The following UBE2Q2 variants were observed in gnomAD, a reference collection of about 807,000 sequenced individuals.
UBE2Q2 encodes the protein ubiquitin-conjugating enzyme E2 Q2.
Under a neutral mutation model 59.9 loss-of-function variants are expected in UBE2Q2, and 54 were observed. That is an observed-to-expected ratio of 0.90 (90% CI 0.72 to 1.13). The LOEUF is 1.13. Among genes scored for constraint, UBE2Q2 ranks in the 50% most tolerant of loss-of-function variants. The probability of loss-of-function intolerance (pLI) is 0.00; values close to 1 mark genes in which losing one functional copy is unlikely to be tolerated. For synonymous variants in UBE2Q2, 165 were observed against 155.2 expected (o/e 1.06, Z -0.47); for missense variants, 433 against 441.9 (o/e 0.98, Z 0.18).
chr15:75,846,758 A>T (rs534996364), intron 1 of UBE2Q2, among the ~76,000 whole-genome samples: 11 of 152,230 alleles, frequency 7.2e-5, no homozygotes, highest in African/African-American at 2.6e-4. Context: ...ACATGCTAGG[A>T]CTTGTTTTCT....
intron 9 of UBE2Q2, among the ~76,000 whole-genome samples, chr15:75,886,596 C>T (rs1158284195): frequency 6.6e-6 from 1 of 152,014 alleles, no homozygotes. Context: ...TATATAAAAA[C>T]ATTTTTATCA....
intron 4 of UBE2Q2, among the ~76,000 whole-genome samples, chr15:75,873,126 A>G (rs1004928884): frequency 4.6e-5 from 7 of 152,214 alleles, no homozygotes; most frequent in African/African-American, 1.4e-4. Flanking sequence ...ACCTGCTGCT[A>G]AACTGTTTTA....
chr15:75,889,884 A>G (rs1470017822), intron 9 of UBE2Q2, among the ~76,000 whole-genome samples: 1 of 152,240 alleles, frequency 6.6e-6, no homozygotes, highest in South Asian at 2.1e-4. Flanking sequence ...TTTTGTTCAG[A>G]GAATAGTCTT....
chr15:75,869,846 T>C (rs1481013838), intron 4 of UBE2Q2, among the ~76,000 whole-genome samples: 1 of 152,172 alleles, frequency 6.6e-6, no homozygotes, highest in African/African-American at 2.4e-5. Flanking sequence ...ATTTTAGATG[T>C]TTTCAAGCTC....
chr15:75,876,862 A>G (rs1898113235), intron 6 of UBE2Q2, among the ~76,000 whole-genome samples: 1 of 152,190 alleles, frequency 6.6e-6, no homozygotes, highest in Non-Finnish European at 1.5e-5. Flanking sequence ...CTTTAATTTG[A>G]AAAGATAGCA....
At chr15:75,878,973 T>A (rs1898239040) in intron 7 of UBE2Q2, 125 bp from the exon 8 acceptor site, 1 of 594,674 alleles carries the variant, frequency 1.7e-6, no homozygotes, top group South Asian at 2.7e-5. Context: ...GCTTTAGACC[T>A]TCTCTTTCTG....
intron 3 of UBE2Q2, among the ~76,000 whole-genome samples, chr15:75,865,887 T>G (rs1055161817): frequency 1.3e-5 from 2 of 152,158 alleles, no homozygotes; most frequent in Admixed American, 6.5e-5. Flanking sequence ...TGTTATTTGT[T>G]CAACAAATAT....
At chr15:75,865,794 A>C (rs113035301) in intron 3 of UBE2Q2, among the ~76,000 whole-genome samples, 4,031 of 147,782 alleles carry the variant, frequency 0.027, 205 homozygotes, top group African/African-American at 0.094. Context: ...TCCCTGAATA[A>C]TATCTGGTTG....
chr15:75,879,566 A>C (rs765459444), intron 8 of UBE2Q2, among the ~76,000 whole-genome samples: 5 of 152,226 alleles, frequency 3.3e-5, no homozygotes, highest in Non-Finnish European at 5.9e-5. Context: ...AAAATAGGTA[A>C]AACTAATGTT....
intron 12 of UBE2Q2, 32 bp from the exon 13 acceptor site, chr15:75,899,395 A>T: frequency 6.6e-7 from 1 of 1,521,462 alleles, no homozygotes; most frequent in Non-Finnish European, 8.9e-7. Flanking sequence ...TTTAAGAATT[A>T]TTTTAACTTT....
intron 12 of UBE2Q2, among the ~76,000 whole-genome samples, chr15:75,898,365 T>A (rs972545972): frequency 3.9e-5 from 6 of 152,152 alleles, no homozygotes; most frequent in Admixed American, 1.3e-4. Context: ...TGTTTTTTTT[T>A]AAATCTTAAA....
intron 1 of UBE2Q2, chr15:75,844,587 C>G: frequency 7.7e-7 from 1 of 1,291,088 alleles, no homozygotes; most frequent in Non-Finnish European, 1.1e-6. Flanking sequence ...CCGGAAAGAT[C>G]ACGTATGTCA....
chr15:75,862,682 G>A (rs1195095979), intron 3 of UBE2Q2, among the ~76,000 whole-genome samples: 1 of 151,572 alleles, frequency 6.6e-6, no homozygotes, highest in Non-Finnish European at 1.5e-5. Context: ...GGGTATGGTG[G>A]CACCTGCCTG....
At chr15:75,867,801 G>A (rs769049844) in intron 3 of UBE2Q2, among the ~76,000 whole-genome samples, 1 of 152,102 alleles carries the variant, frequency 6.6e-6, no homozygotes, top group Non-Finnish European at 1.5e-5. Context: ...TCTTTCAATC[G>A]TTGATGCAAC....
At position 75,883,474 on chromosome 15, in the gene UBE2Q2, T is replaced by C. The variant is rs565645893; in HGVS notation, c.884+50T>C. ...AGAAATTTTTTTCAGTTAAAAAAAA[T>C]TTTTTTTTATAGGGACGAGATCTCA... On this transcript the variant is annotated intron_variant, in intron 9 of 12. Coordinates refer to ENST00000267938, the MANE Select transcript of UBE2Q2 (RefSeq NM_173469.4). 11 of 1,413,468 alleles carry C rather than the reference T, an allele frequency of 7.8e-6. No individual in the cohort carries two copies. The East Asian group carries it at 2.6e-4, about 34-fold the overall frequency. 87.6% of individuals were successfully genotyped at this position (1,413,468 alleles called of 1,614,324 possible).
At chr15:75,876,083 A>AAATTT in intron 5 of UBE2Q2, 104 bp from the exon 6 acceptor site, 1 of 1,130,678 alleles carries the variant, frequency 8.8e-7, no homozygotes, top group Non-Finnish European at 1.3e-6. Flanking sequence ...AAAAAAAAAA[A>AAATTT]TGTTGAGTGG....
intron 11 of UBE2Q2, among the ~76,000 whole-genome samples, chr15:75,895,847 A>G (rs1413735956): frequency 3.9e-5 from 6 of 152,190 alleles, no homozygotes; most frequent in African/African-American, 4.8e-5. Flanking sequence ...TTACACATAT[A>G]TATCTTTTGA....
At chr15:75,859,706 A>T (rs1281059526) in intron 2 of UBE2Q2, among the ~76,000 whole-genome samples, 172 bp from the exon 3 acceptor site, 2 of 152,198 alleles carry the variant, frequency 1.3e-5, no homozygotes, top group Non-Finnish European at 2.9e-5. Flanking sequence ...ACTTTCTTAC[A>T]CTAGAGGGTC....
chr15:75,863,026 A>G (rs562300238), intron 3 of UBE2Q2, among the ~76,000 whole-genome samples: 1 of 152,114 alleles, frequency 6.6e-6, no homozygotes, highest in Admixed American at 6.5e-5. Context: ...AGGTAGATGT[A>G]TGTTTGCTTA....
Sources: allele counts gnomAD v4.1 joint callset (sites outside exome capture counted in the v4.1 genomes callset), GRCh38; gene constraint gnomAD v4.1.1; transcripts MANE v1.5; gene names NCBI Gene and HGNC (gene_info 2026-07-23, HGNC 2026-07-21).